The following PTPRN2 variants were observed in gnomAD, a reference collection of about 807,000 sequenced individuals.
PTPRN2 encodes receptor-type tyrosine-protein phosphatase N2.
PTPRN2 carries 74 observed loss-of-function variants against 118.8 expected under a neutral mutation model. The ratio of observed to expected loss-of-function variants is 0.62; its 90% CI spans 0.52 to 0.76. PTPRN2 has a LOEUF of 0.76. Ranked by LOEUF, PTPRN2 falls within the 30% of genes least tolerant of loss-of-function variation. The probability of loss-of-function intolerance (pLI) is 0.00; values close to 1 mark genes in which losing one functional copy is unlikely to be tolerated. For missense variants in PTPRN2, 1,481 were observed against 1,394.4 expected (o/e 1.06, Z -0.99); for synonymous variants, 641 against 608.0 (o/e 1.05, Z -0.80).
At chr7:158,222,248 C>A (rs13234740) in intron 3 of PTPRN2, among the ~76,000 whole-genome samples, 38,854 of 152,022 alleles carry the variant, frequency 0.26, 5,657 homozygotes, top group African/African-American at 0.39. Context: ...GAAAATAAAT[C>A]ATCCTACCAA....
intron 5 of PTPRN2, among the ~76,000 whole-genome samples, chr7:158,187,506 G>C (rs1420123619): frequency 6.6e-6 from 1 of 152,156 alleles, no homozygotes; most frequent in African/African-American, 2.4e-5. Flanking sequence ...CTGCACGGCA[G>C]CGCTGCAGCC....
intron 12 of PTPRN2, among the ~76,000 whole-genome samples, chr7:157,805,247 CTTG>C (rs1355448873): frequency 2.0e-5 from 3 of 151,782 alleles, no homozygotes; most frequent in Admixed American, 1.3e-4. Context: ...TTTAAAAGGA[CTTG>C]TTGTTTCTTT....
chr7:158,067,886 C>T (rs1411571831), intron 11 of PTPRN2, among the ~76,000 whole-genome samples: 1 of 152,154 alleles, frequency 6.6e-6, no homozygotes, highest in East Asian at 1.9e-4. Flanking sequence ...ATGGGCAGCA[C>T]ACCAGGGCAG....
rs1165209931 is a variant in PTPRN2 at position 157,619,306 on chromosome 7, A to G, written c.2344+2056T>C. Among the ~76,000 whole-genome samples the G allele has an allele frequency of 1.3e-5, 2 of 152,196 alleles. No individual in the cohort carries two copies. The highest frequency in any genetic ancestry group is 6.5e-5 in the Admixed American group (1 of 15,282). The stretch of plus-strand genomic sequence containing the variant: ...AGTAAATGACCAGACACACAGAGAC[A>G]TATAATGCACGCTTACTGCATGGCT... On this transcript the variant is annotated intron_variant, in intron 15 of 22. Transcript: ENST00000389418. This position sits in a 1 kb window ranked among gnomAD's most constrained non-coding sequence, Gnocchi z 5.3.
intron 9 of PTPRN2, among the ~76,000 whole-genome samples, chr7:158,125,465 T>C (rs1285429314): frequency 1.3e-5 from 2 of 152,060 alleles, no homozygotes; most frequent in East Asian, 3.8e-4. Flanking sequence ...AGTTTTTGTT[T>C]ACTTCTTCTT....
chr7:158,454,551 A>G (rs1278045410), intron 2 of PTPRN2, among the ~76,000 whole-genome samples: 3 of 146,470 alleles, frequency 2.0e-5, no homozygotes, highest in African/African-American at 7.7e-5. Flanking sequence ...AAGACACAAC[A>G]CACACAATCA....
intron 11 of PTPRN2, among the ~76,000 whole-genome samples, chr7:157,912,801 C>T (rs73165896): frequency 0.013 from 1,974 of 152,254 alleles, 17 homozygotes; most frequent in Middle Eastern, 0.048. Context: ...TCAATCAGTT[C>T]TATTTAAGGG....
intron 1 of PTPRN2, among the ~76,000 whole-genome samples, chr7:158,528,511 G>T (rs138205523): frequency 1.3e-5 from 2 of 152,092 alleles, no homozygotes; most frequent in Non-Finnish European, 2.9e-5. Context: ...GCTGGGCCAG[G>T]CTCGGTGGCT....
chr7:157,928,714 GT>G (rs1307080257), intron 11 of PTPRN2, among the ~76,000 whole-genome samples: 4 of 150,030 alleles, frequency 2.7e-5, no homozygotes, highest in Non-Finnish European at 4.4e-5. Flanking sequence ...TAGGGGTGGG[GT>G]GGGGAGGGGG....
chr7:157,593,421 G>A (rs1585077730), intron 17 of PTPRN2, among the ~76,000 whole-genome samples: 1 of 152,260 alleles, frequency 6.6e-6, no homozygotes, highest in South Asian at 2.1e-4. Context: ...TGAAGTTGAT[G>A]TTGGGCTGTG....
chr7:158,206,250 G>T (rs1827132286), intron 3 of PTPRN2, among the ~76,000 whole-genome samples: 1 of 152,260 alleles, frequency 6.6e-6, no homozygotes, highest in Admixed American at 6.5e-5. Context: ...AGCCAAGTAG[G>T]ATAGGGCACT....
At chr7:157,957,885 T>A (rs991651642) in intron 11 of PTPRN2, among the ~76,000 whole-genome samples, 1 of 152,142 alleles carries the variant, frequency 6.6e-6, no homozygotes, top group Non-Finnish European at 1.5e-5. Flanking sequence ...TTCTAACTAA[T>A]CCTGTGAGTC....
At chr7:158,150,587 T>C (rs1286793441) in intron 6 of PTPRN2, among the ~76,000 whole-genome samples, 2 of 152,056 alleles carry the variant, frequency 1.3e-5, no homozygotes, top group Admixed American at 1.3e-4. Context: ...AAGGAGCATC[T>C]ATATGGAAAG....
chr7:158,571,780 C>A (rs1407941434), intron 1 of PTPRN2, among the ~76,000 whole-genome samples: 2 of 152,268 alleles, frequency 1.3e-5, no homozygotes, highest in Non-Finnish European at 2.9e-5. Context: ...AATTTCATTG[C>A]TGCTGTTTCC....
chr7:157,757,511 C>CTT (rs1801861438), intron 12 of PTPRN2, among the ~76,000 whole-genome samples: 1 of 152,030 alleles, frequency 6.6e-6, no homozygotes, highest in East Asian at 1.9e-4. Context: ...CCCCAGGGAA[C>CTT]TTTGGATACG....
intron 2 of PTPRN2, among the ~76,000 whole-genome samples, chr7:158,344,526 G>C (rs1807343627): frequency 7.1e-6 from 1 of 141,248 alleles, no homozygotes; most frequent in South Asian, 2.2e-4. Flanking sequence ...TTTAATACAA[G>C]ACACCCTGGA....
chr7:158,424,197 GA>G (rs1180915318), intron 2 of PTPRN2, among the ~76,000 whole-genome samples: 2 of 152,170 alleles, frequency 1.3e-5, no homozygotes, highest in Non-Finnish European at 2.9e-5. Context: ...AGAGGCCAGA[GA>G]GGGGAGGCAC....
chr7:157,797,360 C>A (rs1804938988), intron 12 of PTPRN2, among the ~76,000 whole-genome samples: 1 of 152,220 alleles, frequency 6.6e-6, no homozygotes, highest in African/African-American at 2.4e-5. Flanking sequence ...TCTTAATTCT[C>A]CTGAGGGTGA....
At chr7:157,975,909 C>G (rs1259662869) in intron 11 of PTPRN2, among the ~76,000 whole-genome samples, 1 of 152,196 alleles carries the variant, frequency 6.6e-6, no homozygotes, top group Admixed American at 6.5e-5. Flanking sequence ...CCAAGGACAG[C>G]CACAAACTAG....
Sources: gnomAD v4.1 joint callset for allele counts (sites outside exome capture counted in the v4.1 genomes callset) on GRCh38, gnomAD v4.1.1 for gene constraint, Gnocchi (gnomAD v3.1) non-coding constraint, MANE v1.5 for transcripts, NCBI Gene and HGNC (gene_info 2026-07-23, HGNC 2026-07-21) for gene names.